SMTN: variants seen among roughly 807,000 people sequenced by gnomAD.
SMTN encodes the protein smoothelin.
A neutral mutation model predicts 102.0 loss-of-function variants in SMTN; 58 were observed. The observed-to-expected ratio is 0.57, with a 90% CI of 0.46 to 0.71. The LOEUF is 0.71. Ranked by LOEUF, SMTN falls within the 30% of genes least tolerant of loss-of-function variation. The probability of loss-of-function intolerance (pLI) is 0.00; values close to 1 mark genes in which losing one functional copy is unlikely to be tolerated. For synonymous variants in SMTN, 478 were observed against 497.9 expected, an observed-to-expected ratio of 0.96 and a Z score of 0.53; for missense variants, 1,185 against 1,241.7, an observed-to-expected ratio of 0.95 and a Z score of 0.69.
rs921470770 is a variant in SMTN at position 31,099,583 on chromosome 22, G to A, written c.2452-162G>A. On this transcript the variant is annotated intron_variant, in intron 18 of 20. Coordinates refer to ENST00000333137, the MANE Select transcript of SMTN (RefSeq NM_134269.3). ...AAATTGCAAATATGGGAGTTGACAG[G>A]CTGACTTGGAGGAGGCTCATGTTCC... The A allele has an allele frequency of 9.6e-6, 7 of 726,730 alleles. No individual in the cohort carries two copies. The African/African-American group carries it at 1.2e-4, about 13-fold the overall frequency. The allele number at this position is 726,730 out of a possible 1,614,324, so 45.0% of individuals were successfully genotyped here.
Position 31,090,161 on chromosome 22 carries a change from C to G in SMTN, c.846C>G (p.Pro282=). 6.2e-7 allele frequency: 1 copy of G among 1,611,654 alleles called. No individual in the cohort carries two copies. ...TPAAQSPTRG[P]SDTKRADVAG... ...CTGCCCAGAGCCCCACCAGAGGCCC[C>G]TCTGACACCAAGAGAGCAGGTGAGG... Residue 282 remains proline (P), a synonymous_variant, in exon 8 of 21, where the codon CCC becomes CCG. Transcript: ENST00000333137.
At position 31,091,219 on chromosome 22, in the gene SMTN, G is replaced by C; in HGVS notation, c.1196G>C (p.Gly399Ala). The change falls in exon 10 of 21, where the codon GGA (glycine) becomes GCA (alanine). Residue 399 changes from glycine to alanine, a missense_variant. Physicochemically the swap from Gly to Ala is moderately conservative, Grantham distance 60. Coordinates refer to ENST00000333137, the MANE Select transcript of SMTN (RefSeq NM_134269.3). The stretch of plus-strand genomic sequence containing the variant: ...TCCCGGTTCAGCAAGGAGCAACGAG[G>C]AGTAGCCCAGCCCCTGGCCCAGCTT... ...TSSRFSKEQR[G>A]VAQPLAQLRS... 1 of 1,611,270 alleles carries C rather than the reference G, an allele frequency of 6.2e-7. No homozygotes were observed. The highest frequency in any genetic ancestry group is 8.5e-7 in the Non-Finnish European group (1 of 1,179,044).
At chr22:31,091,586 T>A (rs924929328) in intron 10 of SMTN, 89 bp from the exon 11 acceptor site, 5 of 1,514,156 alleles carry the variant, frequency 3.3e-6, no homozygotes, top group Non-Finnish European at 4.5e-6. Flanking sequence ...CTCCAAAGGG[T>A]GTGCTGGGAG....
At chr22:31,076,399 G>T (rs1332475416), upstream of SMTN, among the ~76,000 whole-genome samples, 2 of 152,204 alleles carry the variant, frequency 1.3e-5, no homozygotes, top group South Asian at 2.1e-4. Context: ...CTGCTGAGGG[G>T]GAAGGGCCTA....
intron 8 of SMTN, 125 bp from the exon 9 acceptor site, chr22:31,090,683 T>G (rs1602628238): frequency 3.9e-6 from 3 of 778,126 alleles, no homozygotes; most frequent in African/African-American, 1.7e-5. Flanking sequence ...GGGGTGGGGG[T>G]TGAGTACAGG....
rs774417812 is a variant in SMTN at position 31,091,269 on chromosome 22, C to T, written c.1246C>T (p.Pro416Ser). ...QLRSCPQEEG[P>S]RGRGLAARPL... ...TCGAAGCTGCCCCCAGGAGGAGGGC[C>T]CCAGGGGGCGGGGCTTGGCTGCTAG... is the stretch of plus-strand genomic sequence containing the variant. Residue 416 changes from proline (P) to serine (S), a missense_variant, in exon 10 of 21, where the codon CCC becomes TCC. Transcript: ENST00000333137. 1 of 1,600,190 alleles carries T rather than the reference C, an allele frequency of 6.2e-7. No homozygotes were observed. The highest frequency in any genetic ancestry group is 1.7e-5 in the Admixed American group (1 of 57,538).
chr22:31,088,019 G>T lies in SMTN; in HGVS notation c.106G>T (p.Glu36Ter). 6.2e-7 allele frequency: 1 copy of T among 1,611,834 alleles called. No individual in the cohort carries two copies. Among genetic ancestry groups the T allele is most frequent in the South Asian group, 1.1e-5 (1 of 91,042 alleles). ...GCGGCGCATCCGCTCAGCCATCCGG[G>T]AACTGCAGCGGCAGGAGCTGGAGCG... is the stretch of plus-strand genomic sequence containing the variant. ...ERRRIRSAIRELQRQELEREE... is the reference protein window; with the variant it reads ...ERRRIRSAIR Residue 36 changes from glutamate to a stop codon, truncating the protein, a stop_gained, in exon 3 of 21, where the codon GAA (glutamate) becomes TAA (stop). Transcript: ENST00000333137. LOFTEE classifies it high-confidence loss of function.
At chr22:31,098,496 A>T (rs1417771748) in intron 16 of SMTN, among the ~76,000 whole-genome samples, 171 bp from the exon 17 acceptor site, 1 of 152,132 alleles carries the variant, frequency 6.6e-6, no homozygotes, top group Non-Finnish European at 1.5e-5. Context: ...TTTGAGACTC[A>T]GTGTACTCCT....
chr22:31,084,231 G>A (rs1602595110), intron 2 of SMTN, among the ~76,000 whole-genome samples: 1 of 152,338 alleles, frequency 6.6e-6, no homozygotes, highest in East Asian at 1.9e-4. Context: ...CCTGGAGGAG[G>A]GGCCAGAGGA....
At chr22:31,090,258 G>C in intron 8 of SMTN, 78 bp downstream of exon 8, 2 of 1,237,550 alleles carry the variant, frequency 1.6e-6, no homozygotes, top group Non-Finnish European at 2.3e-6. Flanking sequence ...TAGAAAATGG[G>C]CTCTTGTGCC....
At chr22:31,101,287 C>G (rs957309501) in intron 20 of SMTN, 15 of 480,504 alleles carry the variant, frequency 3.1e-5, no homozygotes, top group Non-Finnish European at 7.5e-6. Flanking sequence ...AGATGCCTGA[C>G]CCAGGCTGCA....
At chr22:31,098,570 G>A (rs2043789860) in intron 16 of SMTN, 97 bp from the exon 17 acceptor site, 7 of 1,151,890 alleles carry the variant, frequency 6.1e-6, no homozygotes, top group Admixed American at 2.4e-5. Flanking sequence ...GGAGATACTA[G>A]TGTGCTACAA....
chr22:31,097,155 C>T (rs928228118), intron 15 of SMTN, 95 bp downstream of exon 15: 8 of 1,496,360 alleles, frequency 5.3e-6, no homozygotes, highest in East Asian at 2.3e-5. Flanking sequence ...TCAACTGTGC[C>T]GTCACTTTCT....
chr22:31,097,521 T>C (rs1275815209), intron 16 of SMTN, among the ~76,000 whole-genome samples, 183 bp downstream of exon 16: 1 of 151,822 alleles, frequency 6.6e-6, no homozygotes, highest in Non-Finnish European at 1.5e-5. Flanking sequence ...CTGGCCAACA[T>C]GGTAAAACCT....
chr22:31,079,951 G>A (rs578002544), upstream of SMTN, among the ~76,000 whole-genome samples: 3 of 152,232 alleles, frequency 2.0e-5, no homozygotes, highest in Non-Finnish European at 2.9e-5. Context: ...TAGTAGAGAC[G>A]GGGTTTTTGC....
Position 31,091,841 on chromosome 22 carries a change from C to T in SMTN, c.1626C>T (p.Ser542=), listed in dbSNP as rs2043163253. The T allele has an allele frequency of 1.0e-5, 16 of 1,585,218 alleles. No individual in the cohort carries two copies. The highest frequency in any genetic ancestry group is 1.4e-5 in the Non-Finnish European group (16 of 1,164,014). The stretch of plus-strand genomic sequence containing the variant: ...CCCCCAGTAGCCGAGGAGGCTGCAG[C>T]ATCAAGGTGAGCCCCTCCTCACCCC... The part of the protein sequence containing the change: ...HAPPSSRGGC[S]IKMEAEPAEP... Residue 542 remains serine (S), a synonymous_variant, in exon 11 of 21, where the codon AGC becomes AGT. Coordinates refer to ENST00000333137, the MANE Select transcript of SMTN (RefSeq NM_134269.3).
In SMTN at chr22:31,089,978, T is replaced by C. The variant is rs750925285; in HGVS notation, c.751T>C (p.Ser251Pro). 1 of 1,599,100 alleles carries C rather than the reference T, an allele frequency of 6.3e-7. No homozygotes were observed. Among genetic ancestry groups the C allele is most frequent in the Non-Finnish European group, 8.5e-7 (1 of 1,172,784 alleles). Residue 251 changes from serine to proline, a missense_variant, in exon 7 of 21, where the codon TCT becomes CCT. Physicochemically the swap from Ser to Pro is moderately conservative, Grantham distance 74. Around this residue, in one of 2 missense-constraint regions of SMTN, gnomAD observed 1,096 missense variants for 1,112.7 expected, o/e 0.98. Transcript: ENST00000333137. ...PKTTSPEPQE[S>P]PTLPSTEGQV... ...GACCACCAGCCCTGAGCCTCAGGAG[T>C]CTCCAACGCTCCCCAGCACTGAGGG...
chr22:31,095,606 A>G lies in SMTN; in HGVS notation c.1858A>G (p.Arg620Gly). 1 of 1,612,130 alleles carries G rather than the reference A, an allele frequency of 6.2e-7. No homozygotes were observed. The highest frequency in any genetic ancestry group is 8.5e-7 in the Non-Finnish European group (1 of 1,179,194). ...AALRELRQRK[R>G]DQRDKERERR... is the part of the protein sequence containing the mutation. ...ACTTCGTGAGCTCCGACAAAGGAAG[A>G]GAGGTAGAGAGCCAGTTGCCCTACC... Residue 620 changes from arginine to glycine, a missense_variant, in exon 13 of 21, where the codon AGA becomes GGA. Physicochemically the swap from Arg to Gly is moderately radical, Grantham distance 125. Transcript: ENST00000333137. The surrounding 1 kb of genome is among the most constrained non-coding windows in gnomAD (Gnocchi z 4.1).
intron 1 of SMTN, among the ~76,000 whole-genome samples, chr22:31,073,468 G>A (rs1054938628): frequency 1.3e-5 from 2 of 152,124 alleles, no homozygotes; most frequent in Non-Finnish European, 2.9e-5. Flanking sequence ...GTGTGGATGT[G>A]CCTCCTTTGA....
Sources: allele counts gnomAD v4.1 joint callset (sites outside exome capture counted in the v4.1 genomes callset), GRCh38; gene constraint gnomAD v4.1.1; regional missense constraint gnomAD v4.1.1; non-coding constraint Gnocchi (gnomAD v3.1); transcripts MANE v1.5; gene names NCBI Gene and HGNC (gene_info 2026-07-23, HGNC 2026-07-21).